PTPRM: variants seen among roughly 807,000 people sequenced by gnomAD.
PTPRM encodes the protein receptor-type tyrosine-protein phosphatase mu.
A neutral mutation model predicts 186.7 loss-of-function variants in PTPRM; 47 were observed. The observed-to-expected ratio is 0.25, with a 90% CI of 0.20 to 0.32. PTPRM has a LOEUF of 0.32. PTPRM is among the 10% of genes least tolerant of loss of function. PTPRM has a pLI of 1.00. For missense variants in PTPRM, 1,494 were observed against 1,865.0 expected (o/e 0.80, Z 3.66); for synonymous variants, 668 against 674.9 (o/e 0.99, Z 0.16).
chr18:8,301,651 T>C (rs997516022), intron 20 of PTPRM, among the ~76,000 whole-genome samples: 11 of 152,254 alleles, frequency 7.2e-5, no homozygotes, highest in African/African-American at 2.4e-4. Context: ...GTGCCTGTTA[T>C]ACACCAGGCA....
chr18:7,708,167 A>T (rs1306590648), intron 1 of PTPRM, among the ~76,000 whole-genome samples: 3 of 152,210 alleles, frequency 2.0e-5, no homozygotes, highest in Middle Eastern at 3.2e-3. Context: ...TCAAGTATAT[A>T]TATTTTTGGT....
intron 3 of PTPRM, among the ~76,000 whole-genome samples, chr18:7,895,268 G>A (rs574230027): frequency 1.3e-5 from 2 of 152,186 alleles, no homozygotes; most frequent in East Asian, 3.8e-4. Context: ...CTCTTAAGAA[G>A]CGGTGGCAGT....
intron 1 of PTPRM, among the ~76,000 whole-genome samples, chr18:7,758,774 A>G (rs2041628827): frequency 6.6e-6 from 1 of 152,216 alleles, no homozygotes; most frequent in Non-Finnish European, 1.5e-5. Flanking sequence ...TGAAGTTTAT[A>G]GAGCATATGG....
intron 5 of PTPRM, among the ~76,000 whole-genome samples, chr18:7,930,335 G>C (rs1209328405): frequency 1.3e-5 from 2 of 152,142 alleles, no homozygotes; most frequent in Non-Finnish European, 2.9e-5. Context: ...CTCCCAAAGT[G>C]CTAGGATTAC....
intron 1 of PTPRM, among the ~76,000 whole-genome samples, chr18:7,571,623 T>C (rs753841122): frequency 3.9e-5 from 6 of 152,224 alleles, no homozygotes; most frequent in Non-Finnish European, 7.3e-5. Context: ...GTATTTGAAA[T>C]ATATTAAATG....
At chr18:7,816,975 A>ATTTTT (rs71354570) in intron 2 of PTPRM, among the ~76,000 whole-genome samples, 2 of 138,608 alleles carry the variant, frequency 1.4e-5, no homozygotes, top group Non-Finnish European at 3.1e-5. Flanking sequence ...TAGTTAATTA[A>ATTTTT]TTTTTTTTTT....
Position 8,401,753 on chromosome 18 carries a change from C to T in PTPRM, c.4345-4356C>T, listed in dbSNP as rs113884342. On this transcript the variant is annotated intron_variant, in intron 32 of 32. Coordinates refer to ENST00000580170, the MANE Select transcript of PTPRM (RefSeq NM_001105244.2). The stretch of plus-strand genomic sequence containing the variant: ...GTGCCGCCCGCTGGTGTGCTGGCCT[C>T]GTGACGCCCTCACCAAGCTAGCAGT... Among the ~76,000 whole-genome samples the T allele has an allele frequency of 4.3e-3, 654 of 152,350 alleles. 3 individuals carry two copies. The highest frequency in any genetic ancestry group is 0.015 in the African/African-American group (622 of 41,590).
intron 2 of PTPRM, among the ~76,000 whole-genome samples, chr18:7,883,016 T>A (rs1202332336): frequency 6.6e-6 from 1 of 152,202 alleles, no homozygotes; most frequent in Non-Finnish European, 1.5e-5. Context: ...GAAACCAAAA[T>A]AATTATTCTT....
At chr18:8,069,510 C>T (rs111250206) in intron 7 of PTPRM, among the ~76,000 whole-genome samples, 176 bp from the exon 8 acceptor site, 54 of 152,342 alleles carry the variant, frequency 3.5e-4, no homozygotes, top group African/African-American at 1.3e-3. Flanking sequence ...ATAATGGAAA[C>T]TTTCATCTTT....
chr18:8,247,981 C>A, intron 16 of PTPRM, 62 bp downstream of exon 16: 1 of 1,431,982 alleles, frequency 7.0e-7, no homozygotes, highest in Non-Finnish European at 9.9e-7. Flanking sequence ...TCACTCCGCC[C>A]TCTCTCTGCT....
At chr18:7,839,340 C>G (rs564455519) in intron 2 of PTPRM, among the ~76,000 whole-genome samples, 30 of 152,334 alleles carry the variant, frequency 2.0e-4, no homozygotes, top group African/African-American at 7.2e-4. Context: ...CACCAAGGCC[C>G]TTGACATAGC....
At chr18:8,050,217 A>G (rs181073836) in intron 7 of PTPRM, among the ~76,000 whole-genome samples, 2 of 152,336 alleles carry the variant, frequency 1.3e-5, no homozygotes, top group East Asian at 1.9e-4. Flanking sequence ...CTTGACTGGT[A>G]TGGAAAGCAA....
At chr18:8,224,736 T>C (rs1313578173) in intron 14 of PTPRM, among the ~76,000 whole-genome samples, 1 of 152,236 alleles carries the variant, frequency 6.6e-6, no homozygotes. Context: ...TACTTATTTG[T>C]TGAATAAACC....
intron 23 of PTPRM, among the ~76,000 whole-genome samples, chr18:8,353,252 G>A (rs766699518): frequency 9.2e-5 from 14 of 152,180 alleles, no homozygotes; most frequent in Non-Finnish European, 1.9e-4. Context: ...ATGAGGATTT[G>A]AAATGTGTTT....
intron 10 of PTPRM, 84 bp downstream of exon 10, chr18:8,085,956 C>T (rs1006774072): frequency 1.3e-5 from 17 of 1,310,368 alleles, no homozygotes; most frequent in African/African-American, 1.5e-5. Context: ...ATGCCAAGCT[C>T]GCCCACACTA....
intron 26 of PTPRM, 89 bp from the exon 27 acceptor site, chr18:8,378,176 C>T: frequency 7.4e-7 from 1 of 1,351,334 alleles, no homozygotes; most frequent in Non-Finnish European, 1.0e-6. Context: ...TGTCTCCACT[C>T]TCTTGATGAT....
chr18:7,598,000 G>A (rs907446274), intron 1 of PTPRM, among the ~76,000 whole-genome samples: 1 of 151,940 alleles, frequency 6.6e-6, no homozygotes, highest in African/African-American at 2.4e-5. Context: ...TTAAAAAATG[G>A]GATATTTTGC....
At chr18:7,573,249 G>T (rs531183233) in intron 1 of PTPRM, among the ~76,000 whole-genome samples, 2 of 152,316 alleles carry the variant, frequency 1.3e-5, no homozygotes, top group Non-Finnish European at 2.9e-5. Flanking sequence ...CTATGAAGGA[G>T]AAACACATGG....
At chr18:7,752,452 T>C (rs952996713) in intron 1 of PTPRM, among the ~76,000 whole-genome samples, 4 of 152,154 alleles carry the variant, frequency 2.6e-5, no homozygotes, top group Non-Finnish European at 4.4e-5. Flanking sequence ...ACGGAGTCTC[T>C]TGCTCTTGTC....
Sources: allele counts gnomAD v4.1 joint callset (sites outside exome capture counted in the v4.1 genomes callset), GRCh38; gene constraint gnomAD v4.1.1; transcripts MANE v1.5; gene names NCBI Gene and HGNC (gene_info 2026-07-23, HGNC 2026-07-21).